Variants in LDLRAD4 observed in about 807,000 individuals in gnomAD.
LDLRAD4 encodes low density lipoprotein receptor class A domain containing 4, also known as low-density lipoprotein receptor class A domain-containing protein 4.
A neutral mutation model predicts 17.0 loss-of-function variants in LDLRAD4; 5 were observed. The ratio of observed to expected loss-of-function variants is 0.29; its 90% confidence interval spans 0.15 to 0.62. The LOEUF is 0.62. Among genes scored for constraint, LDLRAD4 ranks in the 20% least tolerant of loss-of-function variants. The pLI, the probability that LDLRAD4 is intolerant of heterozygous loss-of-function variation, is 0.84. For missense variants in LDLRAD4, 340 were observed against 424.7 expected (o/e 0.80, Z 1.75); for synonymous variants, 168 against 171.8 (o/e 0.98, Z 0.17).
At chr18:13,231,536 C>T (rs1238947518) in intron 1 of LDLRAD4, among the ~76,000 whole-genome samples, 1 of 152,220 alleles carries the variant, frequency 6.6e-6, no homozygotes, top group Non-Finnish European at 1.5e-5. Context: ...AGAACACCTA[C>T]CTTGATTTCA....
chr18:13,523,295 G>A (rs1006687661), intron 3 of LDLRAD4, among the ~76,000 whole-genome samples: 5 of 152,194 alleles, frequency 3.3e-5, no homozygotes, highest in Non-Finnish European at 2.9e-5. Flanking sequence ...GGTGGGCCTG[G>A]TCTAATCAGG....
intron 3 of LDLRAD4, among the ~76,000 whole-genome samples, chr18:13,512,486 T>TA (rs147672897): frequency 0.018 from 2,751 of 152,340 alleles, 73 homozygotes; most frequent in African/African-American, 0.063. Flanking sequence ...TTTCAAACCT[T>TA]AATGCTTTTG....
chr18:13,614,470 A>G (rs1489510494), intron 3 of LDLRAD4: 2 of 152,198 alleles, frequency 1.3e-5, no homozygotes, highest in Non-Finnish European at 2.9e-5. Flanking sequence ...ACTATACAGT[A>G]GAGTAGCCAA....
At chr18:13,580,816 C>G (rs1601529280) in intron 3 of LDLRAD4, among the ~76,000 whole-genome samples, 1 of 152,230 alleles carries the variant, frequency 6.6e-6, no homozygotes, top group South Asian at 2.1e-4. Context: ...GGCTCCCTTT[C>G]TAATCAAGCC....
At chr18:13,320,456 C>T (rs978587113) in intron 1 of LDLRAD4, among the ~76,000 whole-genome samples, 5 of 152,182 alleles carry the variant, frequency 3.3e-5, no homozygotes, top group African/African-American at 7.2e-5. Flanking sequence ...CTGCTCTCCC[C>T]CTGGGACTGC....
chr18:13,414,110 C>A (rs1262795022), intron 2 of LDLRAD4, among the ~76,000 whole-genome samples: 1 of 152,212 alleles, frequency 6.6e-6, no homozygotes, highest in Non-Finnish European at 1.5e-5. Flanking sequence ...TGGAGGTCTA[C>A]CTCATGCCTC....
intron 3 of LDLRAD4, among the ~76,000 whole-genome samples, chr18:13,498,846 G>A (rs1600852877): frequency 7.2e-6 from 1 of 138,446 alleles, no homozygotes; most frequent in South Asian, 2.4e-4. Flanking sequence ...GTCCCCAGCC[G>A]TAGACACTGG....
chr18:13,620,951 C>T (rs2040570911), intron 3 of LDLRAD4, 166 bp from the exon 5 acceptor site: 3 of 973,722 alleles, frequency 3.1e-6, no homozygotes, highest in South Asian at 1.5e-5. Flanking sequence ...GCCGTGGTGT[C>T]TCCTTCCCTA....
chr18:13,441,892 T>A (rs1388444416), intron 3 of LDLRAD4, among the ~76,000 whole-genome samples: 1 of 152,162 alleles, frequency 6.6e-6, no homozygotes, highest in Non-Finnish European at 1.5e-5. Flanking sequence ...TTTATTCTGC[T>A]GAGAGACCAA....
At chr18:13,521,143 C>G (rs117216839) in intron 3 of LDLRAD4, 34 of 152,304 alleles carry the variant, frequency 2.2e-4, no homozygotes, top group African/African-American at 8.2e-4. Flanking sequence ...TTGCAGAACA[C>G]ATATGTCCCA....
chr18:13,620,992 G>A (rs2040575926), intron 3 of LDLRAD4, 125 bp from the exon 5 acceptor site: 3 of 1,327,756 alleles, frequency 2.3e-6, no homozygotes, highest in Middle Eastern at 1.9e-4. Context: ...TGTCCTGCTG[G>A]CCTCTGAGGA....
At chr18:13,436,590 C>T in intron 2 of LDLRAD4, among the ~76,000 whole-genome samples, 1 of 152,206 alleles carries the variant, frequency 6.6e-6, no homozygotes, top group Admixed American at 6.5e-5. Flanking sequence ...GGTATAAATC[C>T]ATAGTCCAAT....
intron 3 of LDLRAD4, among the ~76,000 whole-genome samples, chr18:13,616,637 G>A (rs1306478102): frequency 6.6e-6 from 1 of 152,220 alleles, no homozygotes; most frequent in Non-Finnish European, 1.5e-5. Context: ...CCTGCAGCCA[G>A]GGACCAAGCT....
intron 3 of LDLRAD4, among the ~76,000 whole-genome samples, chr18:13,485,504 C>T (rs1035157380): frequency 1.3e-5 from 2 of 152,238 alleles, no homozygotes; most frequent in Non-Finnish European, 2.9e-5. Flanking sequence ...CATGGTACGG[C>T]ATGACAGTAG....
chr18:13,537,329 G>A lies in LDLRAD4; in HGVS notation c.182-83788G>A, dbSNP rs560071639. Among the ~76,000 whole-genome samples, 256 of 152,234 alleles carry A rather than the reference G, an allele frequency of 1.7e-3. 1 individual carries two copies. The highest frequency in any genetic ancestry group is 2.8e-3 in the Non-Finnish European group (188 of 68,006). On this transcript the variant is annotated intron_variant, in intron 3 of 5. Coordinates refer to ENST00000359446, the Ensembl canonical transcript of LDLRAD4. ...CAGTCCCCAACCTTTTTGACACCAGGGACCGGTTTCATGGAAGACAAGTTT... is the reference window on the plus strand; with the variant it reads ...CAGTCCCCAACCTTTTTGACACCAGAGACCGGTTTCATGGAAGACAAGTTT...
At chr18:13,504,270 G>T (rs1258579211) in intron 3 of LDLRAD4, among the ~76,000 whole-genome samples, 2 of 152,138 alleles carry the variant, frequency 1.3e-5, no homozygotes, top group Admixed American at 1.3e-4. Flanking sequence ...ATTACTAATG[G>T]GTTGCTCCGG....
rs779110646 is a variant in LDLRAD4 at position 13,325,515 on chromosome 18, C to T, written c.-383+47327C>T. On this transcript the variant is annotated intron_variant, in intron 1 of 5. Transcript: ENST00000359446. The stretch of plus-strand genomic sequence containing the variant: ...CGGCCTGACTCCATGACTTGCAGTC[C>T]GCCCACCCCCTTTAAAGGGAGTTTT... 3.2e-4 allele frequency among the ~76,000 whole-genome samples: 48 copies of T among 152,160 alleles called. 1 individual carries two copies. Among genetic ancestry groups the T allele is most frequent in the African/African-American group, 9.4e-4 (39 of 41,426 alleles).
At chr18:13,596,525 TA>T (rs1449966736) in intron 3 of LDLRAD4, among the ~76,000 whole-genome samples, 1 of 152,200 alleles carries the variant, frequency 6.6e-6, no homozygotes, top group East Asian at 1.9e-4. Context: ...AGATTTCCAC[TA>T]AATTCTAGTG....
chr18:13,612,767 A>T (rs978612625), intron 3 of LDLRAD4: 19 of 1,612,482 alleles, frequency 1.2e-5, no homozygotes, highest in Admixed American at 5.0e-5. Flanking sequence ...ACCTGTTCTT[A>T]AAAAAAGGTA....
Sources: gnomAD v4.1 joint callset for allele counts (sites outside exome capture counted in the v4.1 genomes callset) on GRCh38, gnomAD v4.1.1 for gene constraint, MANE v1.5 for transcripts, NCBI Gene and HGNC (gene_info 2026-07-23, HGNC 2026-07-21) for gene names.